The following CSMD1 variants were observed in gnomAD, a reference collection of about 807,000 sequenced individuals.
CSMD1 encodes CUB and sushi domain-containing protein 1.
In CSMD1, 213 loss-of-function variants were observed where a neutral mutation model predicts 417.5. That is an observed-to-expected ratio of 0.51 (90% CI 0.46 to 0.57). The LOEUF (loss-of-function observed/expected upper bound fraction) is 0.57, where lower values mean the gene tolerates loss of function less well. CSMD1 is among the 20% of genes least tolerant of loss of function. The pLI is 0.00. For missense variants in CSMD1, 6,923 were observed against 4,529.7 expected, an observed-to-expected ratio of 1.53 and a Z score of -15.17; for synonymous variants, 2,862 against 1,736.8, an observed-to-expected ratio of 1.65 and a Z score of -16.11.
chr8:3,173,166 A>C (rs546536802), intron 37 of CSMD1, among the ~76,000 whole-genome samples: 49 of 152,350 alleles, frequency 3.2e-4, no homozygotes, highest in African/African-American at 1.2e-3. Flanking sequence ...CCTTACACTG[A>C]GTAATTGTTA....
intron 3 of CSMD1, among the ~76,000 whole-genome samples, chr8:4,120,868 T>G (rs1802448082): frequency 6.6e-6 from 1 of 152,136 alleles, no homozygotes. Flanking sequence ...GAAACAAATT[T>G]TTTCTGTTTT....
intron 22 of CSMD1, among the ~76,000 whole-genome samples, chr8:3,347,148 C>A (rs1316678486): frequency 6.6e-6 from 1 of 152,238 alleles, no homozygotes; most frequent in Non-Finnish European, 1.5e-5. Flanking sequence ...ACAGTCAAAG[C>A]TGTGCTGGGC....
intron 3 of CSMD1, among the ~76,000 whole-genome samples, chr8:4,227,737 AC>A (rs1457690734): frequency 1.3e-5 from 2 of 151,614 alleles, no homozygotes; most frequent in Non-Finnish European, 2.9e-5. Flanking sequence ...TAACTCCCAC[AC>A]CTGGAGACAC....
chr8:3,809,868 A>G (rs546766275), intron 5 of CSMD1, among the ~76,000 whole-genome samples: 6 of 152,328 alleles, frequency 3.9e-5, no homozygotes, highest in East Asian at 1.9e-4. Flanking sequence ...GAGAACGTCA[A>G]TATCACCCGT....
chr8:3,974,666 G>C (rs556642737), intron 5 of CSMD1, among the ~76,000 whole-genome samples: 9 of 135,098 alleles, frequency 6.7e-5, no homozygotes, highest in Non-Finnish European at 1.2e-4. Flanking sequence ...TAAAAACAGC[G>C]TGCAGCTCTT....
intron 5 of CSMD1, among the ~76,000 whole-genome samples, chr8:3,934,145 G>C (rs916576492): frequency 6.6e-6 from 1 of 152,100 alleles, no homozygotes; most frequent in Non-Finnish European, 1.5e-5. Context: ...AAAAAGATGA[G>C]CTCATATTTT....
intron 5 of CSMD1, among the ~76,000 whole-genome samples, chr8:3,835,967 C>T (rs927123470): frequency 6.6e-6 from 1 of 152,072 alleles, no homozygotes; most frequent in Non-Finnish European, 1.5e-5. Flanking sequence ...TGGATTAAGA[C>T]CTTGACTCTC....
At chr8:3,663,713 G>T (rs1365734378) in intron 7 of CSMD1, among the ~76,000 whole-genome samples, 2 of 152,088 alleles carry the variant, frequency 1.3e-5, no homozygotes, top group Non-Finnish European at 1.5e-5. Flanking sequence ...CAGCCGTTCT[G>T]CCCGCCTTTG....
intron 10 of CSMD1, among the ~76,000 whole-genome samples, chr8:3,515,516 G>A (rs931394213): frequency 4.0e-5 from 6 of 150,120 alleles, no homozygotes; most frequent in Non-Finnish European, 5.9e-5. Flanking sequence ...ATAAAAAAAT[G>A]GTTGGCAACT....
In CSMD1 at chr8:4,212,452, T is replaced by G. The variant is rs950221880; in HGVS notation, c.416-180353A>C. 2.6e-5 allele frequency among the ~76,000 whole-genome samples: 4 copies of G among 152,096 alleles called. No homozygotes were observed. In the South Asian group the frequency reaches 8.3e-4, roughly 31 times the overall value. On this transcript the variant is annotated intron_variant, in intron 3 of 69. Coordinates refer to ENST00000635120, the MANE Select transcript of CSMD1 (RefSeq NM_033225.6). Reference sequence around the variant, plus strand: ...AGGTAGTTCAGAAAATCATGAAAAATGTACTTAACATTTGTCCTTTCAGAC... The same window carrying G: ...AGGTAGTTCAGAAAATCATGAAAAAGGTACTTAACATTTGTCCTTTCAGAC...
At chr8:4,417,777 T>A (rs1277878390) in intron 3 of CSMD1, among the ~76,000 whole-genome samples, 1 of 152,048 alleles carries the variant, frequency 6.6e-6, no homozygotes, top group African/African-American at 2.4e-5. Context: ...TTATCATTAA[T>A]TCTACTTCAT....
intron 5 of CSMD1, among the ~76,000 whole-genome samples, chr8:3,926,566 G>C (rs144298487): frequency 6.6e-6 from 1 of 151,464 alleles, no homozygotes; most frequent in African/African-American, 2.4e-5. Flanking sequence ...AATTTTTGAT[G>C]ATTATTCTAA....
chr8:3,604,875 C>G (rs1015621399), intron 8 of CSMD1, among the ~76,000 whole-genome samples: 2 of 152,178 alleles, frequency 1.3e-5, no homozygotes, highest in Admixed American at 1.3e-4. Context: ...TACCTCCACG[C>G]TCTGTGTTCA....
intron 3 of CSMD1, among the ~76,000 whole-genome samples, chr8:4,220,820 C>A (rs1800985644): frequency 6.6e-6 from 1 of 152,136 alleles, no homozygotes; most frequent in South Asian, 2.1e-4. Flanking sequence ...GGTAAGACAC[C>A]ATGGGGCTGA....
intron 54 of CSMD1, among the ~76,000 whole-genome samples, chr8:2,992,560 A>G (rs549378285): frequency 2.1e-4 from 32 of 151,784 alleles, no homozygotes; most frequent in African/African-American, 7.5e-4. Context: ...AGTAGCTGGG[A>G]TTACAGGTGT....
At chr8:4,252,419 T>C (rs1803143009) in intron 3 of CSMD1, among the ~76,000 whole-genome samples, 1 of 152,220 alleles carries the variant, frequency 6.6e-6, no homozygotes, top group Non-Finnish European at 1.5e-5. Flanking sequence ...AACTGAGACT[T>C]GGGAAGAAAT....
chr8:4,693,447 G>C (rs1457517278), intron 1 of CSMD1, among the ~76,000 whole-genome samples: 1 of 152,180 alleles, frequency 6.6e-6, no homozygotes, highest in Non-Finnish European at 1.5e-5. Context: ...AACTTGTTTA[G>C]CTCTTGAATC....
intron 38 of CSMD1, among the ~76,000 whole-genome samples, chr8:3,158,360 G>T (rs1585509709): frequency 6.6e-6 from 1 of 152,042 alleles, no homozygotes; most frequent in Non-Finnish European, 1.5e-5. Context: ...GTGATTAAAA[G>T]GCCAAAATGT....
At chr8:4,458,162 G>A (rs1188963273) in intron 2 of CSMD1, among the ~76,000 whole-genome samples, 1 of 152,110 alleles carries the variant, frequency 6.6e-6, no homozygotes, top group Non-Finnish European at 1.5e-5. Flanking sequence ...TTGAGTGGAT[G>A]CTGATTAATA....
Sources: allele counts gnomAD v4.1 joint callset (sites outside exome capture counted in the v4.1 genomes callset), GRCh38; gene constraint gnomAD v4.1.1; transcripts MANE v1.5; gene names NCBI Gene and HGNC (gene_info 2026-07-23, HGNC 2026-07-21).